STPG2: variants seen among roughly 807,000 people sequenced by gnomAD.
The protein encoded by STPG2 is sperm-tail PG-rich repeat-containing protein 2.
STPG2 carries 56 observed loss-of-function variants against 54.2 expected under a neutral mutation model. The ratio of observed to expected loss-of-function variants is 1.03; its 90% CI spans 0.83 to 1.29. The LOEUF (loss-of-function observed/expected upper bound fraction) is 1.29. Among genes scored for constraint, STPG2 ranks in the 50% most tolerant of loss-of-function variants. The probability of loss-of-function intolerance (pLI) is 0.00; values close to 1 mark genes in which losing one functional copy is unlikely to be tolerated. For missense variants in STPG2, 596 were observed against 544.9 expected (o/e 1.09, Z -0.93); for synonymous variants, 200 against 181.8 (o/e 1.10, Z -0.81).
At chr4:97,500,901 T>C (rs1730711338) in intron 4 of STPG2, among the ~76,000 whole-genome samples, 1 of 151,852 alleles carries the variant, frequency 6.6e-6, no homozygotes, top group African/African-American at 2.4e-5. Context: ...ATAGAAAATA[T>C]TTTAAGGAAG....
chr4:98,090,154 G>GTTATT (rs1738643544), intron 5 of STPG2, among the ~76,000 whole-genome samples: 1 of 152,014 alleles, frequency 6.6e-6, no homozygotes, highest in African/African-American at 2.4e-5. Flanking sequence ...TTTTTCTGAT[G>GTTATT]TTATTTCCTA....
chr4:97,937,861 G>A (rs770866344), intron 8 of STPG2, among the ~76,000 whole-genome samples: 1 of 152,164 alleles, frequency 6.6e-6, no homozygotes, highest in Non-Finnish European at 1.5e-5. Context: ...TGCACAACTG[G>A]GGTGGGCGCA....
chr4:97,650,985 C>A (rs1449024998), intron 10 of STPG2, among the ~76,000 whole-genome samples: 2 of 151,624 alleles, frequency 1.3e-5, no homozygotes, highest in Non-Finnish European at 2.9e-5. Context: ...CTCCCCAGGC[C>A]CCTTAGATAG....
chr4:97,488,148 T>C (rs1331885790), intron 4 of STPG2, among the ~76,000 whole-genome samples: 1 of 151,600 alleles, frequency 6.6e-6, no homozygotes, highest in African/African-American at 2.4e-5. Flanking sequence ...CTTAATATAA[T>C]GGAATACAAT....
chr4:97,845,037 A>G (rs1003763712), intron 8 of STPG2, among the ~76,000 whole-genome samples: 1 of 151,626 alleles, frequency 6.6e-6, no homozygotes, highest in African/African-American at 2.4e-5. Flanking sequence ...GCTTGCTTCT[A>G]TTATCTATTA....
At chr4:97,585,101 CAAA>C (rs60854805) in intron 10 of STPG2, among the ~76,000 whole-genome samples, 1 of 46,262 alleles carries the variant, frequency 2.2e-5, no homozygotes, top group African/African-American at 1.2e-4. Context: ...AAAATATTCT[CAAA>C]AAAAAAAAAA....
At chr4:97,686,570 G>C (rs1034288049) in intron 10 of STPG2, among the ~76,000 whole-genome samples, 3 of 152,048 alleles carry the variant, frequency 2.0e-5, no homozygotes, top group Non-Finnish European at 2.9e-5. Flanking sequence ...AGGCAAACTG[G>C]GAGAAGGCTG....
At chr4:97,856,776 T>A (rs1729351070) in intron 8 of STPG2, among the ~76,000 whole-genome samples, 1 of 152,234 alleles carries the variant, frequency 6.6e-6, no homozygotes, top group South Asian at 2.1e-4. Flanking sequence ...GTTCATGCAG[T>A]ACAATATTGG....
At chr4:97,464,736 T>C in intron 4 of STPG2, among the ~76,000 whole-genome samples, 1 of 152,170 alleles carries the variant, frequency 6.6e-6, no homozygotes, top group East Asian at 1.9e-4. Flanking sequence ...TGTCACCATA[T>C]AATAGTAGGG....
intron 5 of STPG2, among the ~76,000 whole-genome samples, chr4:98,030,268 A>C (rs1490662314): frequency 1.3e-5 from 2 of 152,196 alleles, no homozygotes; most frequent in Non-Finnish European, 2.9e-5. Flanking sequence ...GTCACCTCCC[A>C]AAATTAATCT....
chr4:97,952,335 G>A (rs1225610426), intron 7 of STPG2, among the ~76,000 whole-genome samples: 1 of 152,076 alleles, frequency 6.6e-6, no homozygotes, highest in Non-Finnish European at 1.5e-5. Context: ...CTGACTGTTG[G>A]GGTACAGCTG....
chr4:98,050,523 A>G (rs1434609449), intron 5 of STPG2, among the ~76,000 whole-genome samples: 1 of 152,118 alleles, frequency 6.6e-6, no homozygotes, highest in Non-Finnish European at 1.5e-5. Context: ...TTCAGTGAGA[A>G]GGCATCTGAC....
chr4:97,769,962 G>A (rs375429711), intron 9 of STPG2, among the ~76,000 whole-genome samples: 20 of 152,210 alleles, frequency 1.3e-4, no homozygotes, highest in African/African-American at 4.3e-4. Flanking sequence ...TATAATCCCA[G>A]CACTTTGGGA....
At chr4:97,681,382 A>G (rs1161868403) in intron 10 of STPG2, among the ~76,000 whole-genome samples, 2 of 151,838 alleles carry the variant, frequency 1.3e-5, no homozygotes, top group Non-Finnish European at 3.0e-5. Flanking sequence ...TTATGGGAAA[A>G]ATTCTGTGCT....
chr4:97,566,610 C>G (rs929948894), intron 10 of STPG2, among the ~76,000 whole-genome samples: 1 of 152,078 alleles, frequency 6.6e-6, no homozygotes, highest in Admixed American at 6.5e-5. Context: ...CTATTCACAA[C>G]AGCAAAGACT....
chr4:97,591,254 T>C (rs1733139239), intron 10 of STPG2, among the ~76,000 whole-genome samples: 1 of 152,162 alleles, frequency 6.6e-6, no homozygotes, highest in Admixed American at 6.5e-5. Flanking sequence ...AAATTTAACA[T>C]TTTTATTTTA....
intron 9 of STPG2, among the ~76,000 whole-genome samples, chr4:97,799,855 C>T (rs549460927): frequency 2.0e-5 from 3 of 152,184 alleles, no homozygotes; most frequent in Admixed American, 2.0e-4. Flanking sequence ...CACATAGTCC[C>T]ATATTTCTTG....
At chr4:97,786,401 T>A (rs545594563) in intron 9 of STPG2, among the ~76,000 whole-genome samples, 12 of 152,172 alleles carry the variant, frequency 7.9e-5, no homozygotes, top group South Asian at 4.1e-4. Flanking sequence ...CTCTAAAGAG[T>A]CGACATTTTT....
chr4:97,869,394 GACTA>G (rs1279963568), intron 8 of STPG2, among the ~76,000 whole-genome samples: 3 of 151,598 alleles, frequency 2.0e-5, no homozygotes, highest in East Asian at 1.9e-4. Context: ...AGCCCAGGTA[GACTA>G]ACTATTTAGC....
Sources: gnomAD v4.1 joint callset for allele counts (sites outside exome capture counted in the v4.1 genomes callset) on GRCh38, gnomAD v4.1.1 for gene constraint, MANE v1.5 for transcripts, NCBI Gene and HGNC (gene_info 2026-07-23, HGNC 2026-07-21) for gene names.